SNX29: variants seen among roughly 807,000 people sequenced by gnomAD.
The protein encoded by SNX29 is sorting nexin 29.
Under a neutral mutation model 102.1 loss-of-function variants are expected in SNX29, and 78 were observed. That is an observed-to-expected ratio of 0.76 (90% confidence interval 0.64 to 0.92). The LOEUF (loss-of-function observed/expected upper bound fraction) is 0.92. SNX29 is among the 40% of genes least tolerant of loss of function. The pLI, the probability that SNX29 is intolerant of heterozygous loss-of-function variation, is 0.00. For synonymous variants in SNX29, 580 were observed against 414.5 expected (o/e 1.40, Z -4.85); for missense variants, 1,280 against 1,061.7 (o/e 1.21, Z -2.86).
At chr16:12,352,547 G>A (rs1306076346) in intron 15 of SNX29, among the ~76,000 whole-genome samples, 1 of 152,174 alleles carries the variant, frequency 6.6e-6, no homozygotes, top group Non-Finnish European at 1.5e-5. Flanking sequence ...TGCCAAATAG[G>A]CAAGTTACTT....
chr16:12,240,585 CTTT>C (rs1180028807), intron 14 of SNX29, among the ~76,000 whole-genome samples: 1 of 64,806 alleles, frequency 1.5e-5, no homozygotes, highest in Non-Finnish European at 2.9e-5. Flanking sequence ...TTTGTCATTT[CTTT>C]TTTTTTTTTT....
chr16:12,474,118 A>G (rs544560929), intron 18 of SNX29, among the ~76,000 whole-genome samples: 2 of 152,156 alleles, frequency 1.3e-5, no homozygotes, highest in Non-Finnish European at 2.9e-5. Flanking sequence ...GGCAGAGGGC[A>G]GGTAGCCGTG....
At chr16:12,494,759 A>C (rs2088727437) in intron 19 of SNX29, among the ~76,000 whole-genome samples, 1 of 152,166 alleles carries the variant, frequency 6.6e-6, no homozygotes, top group Non-Finnish European at 1.5e-5. Context: ...GATCCTCATA[A>C]GCTGGTGAAA....
chr16:12,542,233 C>G (rs1001318864), intron 20 of SNX29, among the ~76,000 whole-genome samples: 3 of 150,378 alleles, frequency 2.0e-5, no homozygotes, highest in African/African-American at 2.4e-5. Context: ...GGGATAGGAC[C>G]TAGTGTTATT....
At chr16:12,133,381 C>T (rs1475144428) in intron 13 of SNX29, among the ~76,000 whole-genome samples, 1 of 149,016 alleles carries the variant, frequency 6.7e-6, no homozygotes, top group African/African-American at 2.5e-5. Context: ...TCCTCCGCCT[C>T]CTGGGCTCAA....
intron 14 of SNX29, among the ~76,000 whole-genome samples, chr16:12,270,407 T>C (rs1057144789): frequency 6.6e-6 from 1 of 152,226 alleles, no homozygotes; most frequent in African/African-American, 2.4e-5. Flanking sequence ...TTAATTGTGC[T>C]GCCTTCCTTA....
chr16:12,428,659 A>G (rs1257114003), intron 18 of SNX29, among the ~76,000 whole-genome samples: 1 of 152,194 alleles, frequency 6.6e-6, no homozygotes. Flanking sequence ...TTTGATTGCA[A>G]TTAATATCTC....
chr16:12,564,749 C>T (rs2078921067), intron 20 of SNX29, among the ~76,000 whole-genome samples: 1 of 151,912 alleles, frequency 6.6e-6, no homozygotes, highest in Non-Finnish European at 1.5e-5. Context: ...TAACAACTGT[C>T]TGCTTCTTGG....
chr16:12,109,151 AAAAAG>A (rs2053400836), intron 11 of SNX29, among the ~76,000 whole-genome samples: 1 of 151,426 alleles, frequency 6.6e-6, no homozygotes, highest in Non-Finnish European at 1.5e-5. Flanking sequence ...AAAAAAAAAA[AAAAAG>A]AAAAGGAATT....
At chr16:12,383,114 A>T (rs371830104) in intron 16 of SNX29, among the ~76,000 whole-genome samples, 1 of 152,200 alleles carries the variant, frequency 6.6e-6, no homozygotes, top group East Asian at 1.9e-4. Context: ...TTCTCAATAT[A>T]AGCCTTTAGA....
At chr16:12,161,215 G>T (rs1190161402) in intron 13 of SNX29, among the ~76,000 whole-genome samples, 2 of 152,176 alleles carry the variant, frequency 1.3e-5, no homozygotes, top group Admixed American at 1.3e-4. Flanking sequence ...CTGACCTTTG[G>T]ATAGACAGGG....
intron 20 of SNX29, among the ~76,000 whole-genome samples, chr16:12,562,857 C>G (rs979499200): frequency 7.9e-5 from 12 of 152,272 alleles, no homozygotes; most frequent in Admixed American, 3.9e-4. Flanking sequence ...CCCGACAGCT[C>G]CCGGTCTGTG....
chr16:12,301,373 T>G (rs2151098581), intron 15 of SNX29, among the ~76,000 whole-genome samples: 1 of 152,300 alleles, frequency 6.6e-6, no homozygotes, highest in South Asian at 2.1e-4. Flanking sequence ...CCCCTCAGCC[T>G]GCCCCTAGGA....
Position 12,569,904 on chromosome 16 carries a change from G to GCGAAACACA in SNX29, c.*1276_*1277insGAAACACAC, listed in dbSNP as rs1410504539. The GCGAAACACA allele has an allele frequency of 3.4e-4, 78 of 231,994 alleles. No homozygotes were observed. The highest frequency in any genetic ancestry group is 1.6e-3 in the African/African-American group (74 of 45,358). 14.4% of individuals were successfully genotyped at this position (231,994 alleles called of 1,614,324 possible). Reference sequence around the variant, plus strand: ...TTTGTGTGTTTCGCCTTAATCTGAGGCAGAGACACAGCAGAACCTGAGGAG... The same window carrying GCGAAACACA: ...TTTGTGTGTTTCGCCTTAATCTGAGGCGAAACACACAGAGACACAGCAGAACCTGAGGAG... On this transcript the variant is annotated 3_prime_UTR_variant, in exon 21 of 21. Transcript: ENST00000566228.
At chr16:12,124,930 C>T (rs1306653474) in intron 11 of SNX29, among the ~76,000 whole-genome samples, 2 of 152,110 alleles carry the variant, frequency 1.3e-5, no homozygotes, top group East Asian at 1.9e-4. Context: ...AGTGCAGGAG[C>T]GCTGCTCTGT....
intron 18 of SNX29, among the ~76,000 whole-genome samples, chr16:12,409,995 T>TG (rs2084331239): frequency 6.6e-6 from 1 of 151,936 alleles, no homozygotes; most frequent in Non-Finnish European, 1.5e-5. Flanking sequence ...TTGTTGTTGT[T>TG]TTGTTTTGTT....
At position 12,565,587 on chromosome 16, in the gene SNX29, A is replaced by T. The variant is rs567239189; in HGVS notation, c.2319-2919A>T. On this transcript the variant is annotated intron_variant, in intron 20 of 20. Coordinates refer to ENST00000566228, the MANE Select transcript of SNX29 (RefSeq NM_032167.5). Reference sequence around the variant, plus strand: ...AGCCTACTGTCACACCCTCAACCACAGCAGCCTACACTCACTGGGACTTCC... The same window carrying T: ...AGCCTACTGTCACACCCTCAACCACTGCAGCCTACACTCACTGGGACTTCC... Among the ~76,000 whole-genome samples, 24 of 152,136 alleles carry T rather than the reference A, an allele frequency of 1.6e-4. 1 individual carries two copies. The highest frequency in any genetic ancestry group is 5.8e-4 in the African/African-American group (24 of 41,480).
chr16:12,465,780 G>A (rs8043659), intron 18 of SNX29, among the ~76,000 whole-genome samples: 32,083 of 150,206 alleles, frequency 0.21, 5,059 homozygotes, highest in African/African-American at 0.45. Flanking sequence ...TAGTATGGAC[G>A]TTTTAACAAT....
chr16:12,545,559 C>T (rs2301218), intron 20 of SNX29: 17,826 of 152,146 alleles, frequency 0.12, 1,345 homozygotes, highest in Non-Finnish European at 0.16. Flanking sequence ...TATGGAGAAA[C>T]GTTTGAGTAG....
Sources: gnomAD v4.1 joint callset for allele counts (sites outside exome capture counted in the v4.1 genomes callset) on GRCh38, gnomAD v4.1.1 for gene constraint, MANE v1.5 for transcripts, NCBI Gene and HGNC (gene_info 2026-07-23, HGNC 2026-07-21) for gene names.